Variants in ANGPT1 observed in about 807,000 individuals in gnomAD.
ANGPT1 encodes the protein angiopoietin-1.
A neutral mutation model predicts 62.2 loss-of-function variants in ANGPT1; 17 were observed. The observed-to-expected ratio is 0.27, with a 90% CI of 0.19 to 0.41. The LOEUF (loss-of-function observed/expected upper bound fraction) is 0.41. ANGPT1 is among the 10% of genes least tolerant of loss of function. ANGPT1 has a pLI of 1.00. For missense variants in ANGPT1, 478 were observed against 594.9 expected, an observed-to-expected ratio of 0.80 and a Z score of 2.04; for synonymous variants, 199 against 198.9, an observed-to-expected ratio of 1.00 and a Z score of 0.00.
chr8:107,462,561 G>A (rs1056332132), intron 1 of ANGPT1, among the ~76,000 whole-genome samples: 14 of 152,036 alleles, frequency 9.2e-5, no homozygotes, highest in African/African-American at 3.1e-4. Flanking sequence ...GTGATCATCA[G>A]GATTCCATTG....
rs187308229 is a variant in ANGPT1 at position 107,430,297 on chromosome 8, T to C, written c.297+66965A>G. ...ATGGTCTTTACTGATGTTTTAAATATGAGAGAATGTTTGCGTGGTTCTTTC... is the reference window on the plus strand; with the variant it reads ...ATGGTCTTTACTGATGTTTTAAATACGAGAGAATGTTTGCGTGGTTCTTTC... On this transcript the variant is annotated intron_variant, in intron 1 of 8. Coordinates refer to ENST00000517746, the MANE Select transcript of ANGPT1 (RefSeq NM_001146.5). Among the ~76,000 whole-genome samples, 3 of 152,312 alleles carry C rather than the reference T, an allele frequency of 2.0e-5. No individual in the cohort carries two copies. In the East Asian group the frequency reaches 5.8e-4, roughly 29 times the overall value.
In ANGPT1 at chr8:107,280,269, C is replaced by T. The variant is rs80002344; in HGVS notation, c.1205+4413G>A. ...TGACTGGAGTGTAATGGCGCAATCTCGGCTCACTACAACCTCCACCTCCGG... is the reference window on the plus strand; with the variant it reads ...TGACTGGAGTGTAATGGCGCAATCTTGGCTCACTACAACCTCCACCTCCGG... On this transcript the variant is annotated intron_variant, in intron 7 of 8. Coordinates refer to ENST00000517746, the MANE Select transcript of ANGPT1 (RefSeq NM_001146.5). 4.0e-5 allele frequency among the ~76,000 whole-genome samples: 6 copies of T among 151,774 alleles called. No individual in the cohort carries two copies. The East Asian group carries it at 7.8e-4, about 20-fold the overall frequency.
intron 1 of ANGPT1, among the ~76,000 whole-genome samples, chr8:107,388,875 T>C (rs1273622638): frequency 6.6e-6 from 1 of 152,304 alleles, no homozygotes; most frequent in South Asian, 2.1e-4. Context: ...TATGAAATAG[T>C]AAAGTATTAC....
intron 1 of ANGPT1, among the ~76,000 whole-genome samples, chr8:107,364,726 A>G (rs1019769692): frequency 5.3e-5 from 8 of 152,220 alleles, no homozygotes; most frequent in Non-Finnish European, 1.0e-4. Context: ...TTTGCATATA[A>G]AGAAACATCT....
At chr8:107,272,106 T>C (rs1813749618) in intron 7 of ANGPT1, among the ~76,000 whole-genome samples, 1 of 152,040 alleles carries the variant, frequency 6.6e-6, no homozygotes, top group African/African-American at 2.4e-5. Context: ...AAGGAAGACA[T>C]TATCTTATTT....
At chr8:107,437,177 G>A (rs534289599) in intron 1 of ANGPT1, among the ~76,000 whole-genome samples, 2 of 152,154 alleles carry the variant, frequency 1.3e-5, no homozygotes, top group South Asian at 4.1e-4. Context: ...ATTTTTGGTT[G>A]TCATTTTAAC....
intron 1 of ANGPT1, among the ~76,000 whole-genome samples, chr8:107,388,947 T>C (rs757199788): frequency 4.3e-4 from 65 of 152,214 alleles, no homozygotes; most frequent in South Asian, 1.0e-3. Context: ...TGACATATTG[T>C]TTATTTAATT....
intron 1 of ANGPT1, among the ~76,000 whole-genome samples, chr8:107,370,069 T>C (rs1479973846): frequency 6.7e-6 from 1 of 150,250 alleles, no homozygotes; most frequent in Non-Finnish European, 1.5e-5. Flanking sequence ...CATGGGAAAG[T>C]CAAGGCTCAG....
chr8:107,329,507 G>A (rs894280132), intron 3 of ANGPT1, among the ~76,000 whole-genome samples: 3 of 152,076 alleles, frequency 2.0e-5, no homozygotes, highest in Non-Finnish European at 4.4e-5. Flanking sequence ...AACATTGAGT[G>A]CCATGCAATG....
At chr8:107,299,647 A>T (rs1814517614) in intron 5 of ANGPT1, among the ~76,000 whole-genome samples, 1 of 137,934 alleles carries the variant, frequency 7.2e-6, no homozygotes, top group Admixed American at 7.5e-5. Flanking sequence ...ATATAGATAT[A>T]AATATCTATA....
intron 2 of ANGPT1, among the ~76,000 whole-genome samples, chr8:107,340,323 TAAGAGTAAGAGAGA>T (rs1815667818): frequency 6.6e-6 from 1 of 152,004 alleles, no homozygotes; most frequent in Non-Finnish European, 1.5e-5. Flanking sequence ...AAAATATACC[TAAGAGTAAGAGAGA>T]CATAAAACCT....
In ANGPT1 at chr8:107,299,962, CTATA is replaced by C. The variant is rs1475966390; in HGVS notation, c.936+3274_936+3277del. Among the ~76,000 whole-genome samples the C allele has an allele frequency of 3.8e-3, 500 of 132,724 alleles. 19 individuals are homozygous for C. The highest frequency in any genetic ancestry group is 0.014 in the African/African-American group (477 of 35,252). 87.1% of individuals were successfully genotyped at this position (132,724 alleles called of 152,430 possible). On this transcript the variant is annotated intron_variant, in intron 5 of 8. Transcript: ENST00000517746. ...TATATCTAGATATACTGTATATATACTATATACTAGTTATATCTAGATATCTAGA... is the reference window on the plus strand; with the variant it reads ...TATATCTAGATATACTGTATATATACTACTAGTTATATCTAGATATCTAGA...
intron 1 of ANGPT1, among the ~76,000 whole-genome samples, chr8:107,415,301 A>G (rs1810709321): frequency 6.6e-6 from 1 of 152,180 alleles, no homozygotes; most frequent in Non-Finnish European, 1.5e-5. Flanking sequence ...TCTGGAATGA[A>G]AGAACCCAAT....
At chr8:107,422,689 A>G (rs1185279378) in intron 1 of ANGPT1, among the ~76,000 whole-genome samples, 2 of 152,190 alleles carry the variant, frequency 1.3e-5, no homozygotes, top group Non-Finnish European at 2.9e-5. Flanking sequence ...CAACACAAAA[A>G]GGCCTGAACT....
chr8:107,289,487 T>TA (rs913566897), intron 6 of ANGPT1, among the ~76,000 whole-genome samples: 1 of 152,050 alleles, frequency 6.6e-6, no homozygotes, highest in Non-Finnish European at 1.5e-5. Context: ...ATTTAAAAAA[T>TA]AAAAAACAGA....
intron 1 of ANGPT1, among the ~76,000 whole-genome samples, chr8:107,462,442 A>G (rs913207409): frequency 6.6e-6 from 1 of 152,000 alleles, no homozygotes; most frequent in African/African-American, 2.4e-5. Flanking sequence ...CACAGATTCA[A>G]AAAGGGAGTT....
Position 107,318,846 on chromosome 8 carries a change from C to A in ANGPT1, c.808+3050G>T, listed in dbSNP as rs192908349. ...TCTTTGTGGTCAGAACATTTACAAT[C>A]CACTTTTTTGGCAATTTTGAACTAC... On this transcript the variant is annotated intron_variant, in intron 4 of 8. Coordinates refer to ENST00000517746, the MANE Select transcript of ANGPT1 (RefSeq NM_001146.5). Among the ~76,000 whole-genome samples, 4 of 152,208 alleles carry A rather than the reference C, an allele frequency of 2.6e-5. No homozygotes were observed. In the East Asian group the frequency reaches 5.8e-4, roughly 22 times the overall value.
intron 3 of ANGPT1, among the ~76,000 whole-genome samples, chr8:107,323,536 T>C (rs1358490207): frequency 6.6e-6 from 1 of 152,182 alleles, no homozygotes; most frequent in Non-Finnish European, 1.5e-5. Context: ...GATTGTCTTT[T>C]ACACAGATTA....
At chr8:107,423,827 CTTTTTTTTTTTT>C (rs869079818) in intron 1 of ANGPT1, among the ~76,000 whole-genome samples, 14 of 74,474 alleles carry the variant, frequency 1.9e-4, no homozygotes, top group Admixed American at 1.1e-3. Context: ...CTTTTCCTTT[CTTTTTTTTTTTT>C]TTTTTTTTTT....
Sources: allele counts gnomAD v4.1 joint callset (sites outside exome capture counted in the v4.1 genomes callset), GRCh38; gene constraint gnomAD v4.1.1; transcripts MANE v1.5; gene names NCBI Gene and HGNC (gene_info 2026-07-23, HGNC 2026-07-21).